The following FGF13 variants were observed in gnomAD, a reference collection of about 807,000 sequenced individuals.
FGF13 encodes the protein fibroblast growth factor 13.
A neutral mutation model predicts 19.5 loss-of-function variants in FGF13; 2 were observed. That is an observed-to-expected ratio of 0.10 (90% confidence interval 0.04 to 0.32). The LOEUF (loss-of-function observed/expected upper bound fraction) is 0.32, where lower values mean the gene tolerates loss of function less well. FGF13 is among the 10% of genes least tolerant of loss of function. FGF13 has a pLI of 1.00. For missense variants in FGF13, 113 were observed against 192.7 expected (o/e 0.59, Z 2.45); for synonymous variants, 72 against 76.9 (o/e 0.94, Z 0.33).
intron 1 of FGF13, among the ~76,000 whole-genome samples, chrX:139,086,638 A>G (rs2083405432): frequency 8.9e-6 from 1 of 112,671 alleles, no homozygotes; most frequent in African/African-American, 3.2e-5. Context: ...CTACATGCTT[A>G]TATCAAAATC....
chrX:139,177,238 C>CTTGTTTTTTTTTTTTTT (rs2084194168), intron 1 of FGF13, among the ~76,000 whole-genome samples: 1 of 49,943 alleles, frequency 2.0e-5, no homozygotes, highest in Admixed American at 2.7e-4. Flanking sequence ...GCAACCCCTG[C>CTTGTTTTTTTTTTTTTT]TTTTTTTTTT....
At chrX:138,691,624 T>C in intron 3 of FGF13, among the ~76,000 whole-genome samples, 1 of 111,938 alleles carries the variant, frequency 8.9e-6, no homozygotes, top group Admixed American at 9.5e-5. Context: ...ATTTGACTCT[T>C]CCAAATCTTT....
chrX:139,128,603 A>G (rs191541171), intron 1 of FGF13, among the ~76,000 whole-genome samples: 1 of 112,813 alleles, frequency 8.9e-6, no homozygotes, highest in African/African-American at 3.2e-5. Flanking sequence ...GTAAAACTGC[A>G]GGTCAACTGC....
chrX:138,936,711 T>C (rs1301022270), intron 1 of FGF13, among the ~76,000 whole-genome samples: 2 of 111,911 alleles, frequency 1.8e-5, no homozygotes, highest in Non-Finnish European at 3.8e-5. Context: ...TGAGCACCTA[T>C]TATGCATTCC....
chrX:139,082,288 A>G (rs2083375724), intron 1 of FGF13, among the ~76,000 whole-genome samples: 1 of 111,498 alleles, frequency 9.0e-6, no homozygotes, highest in Non-Finnish European at 1.9e-5. Context: ...CCTCTTCAGA[A>G]AGGCCTTTCC....
chrX:139,154,754 T>C (rs2075808808), intron 1 of FGF13, among the ~76,000 whole-genome samples: 1 of 112,013 alleles, frequency 8.9e-6, no homozygotes, highest in Admixed American at 9.5e-5. Flanking sequence ...GCAGCAGTTG[T>C]GCTTTCAATA....
At chrX:138,936,464 A>G in intron 1 of FGF13, among the ~76,000 whole-genome samples, 1 of 112,461 alleles carries the variant, frequency 8.9e-6, no homozygotes, top group East Asian at 2.8e-4. Context: ...CATTACCTAG[A>G]CATAGTAAGG....
intron 1 of FGF13, among the ~76,000 whole-genome samples, chrX:139,079,188 G>A (rs2083353169): frequency 9.0e-6 from 1 of 111,372 alleles, no homozygotes; most frequent in South Asian, 3.9e-4. Flanking sequence ...AGGAGATGAT[G>A]ACAGCATGTG....
At chrX:139,022,551 T>C (rs2092182073) in intron 1 of FGF13, among the ~76,000 whole-genome samples, 1 of 111,504 alleles carries the variant, frequency 9.0e-6, no homozygotes, top group Non-Finnish European at 1.9e-5. Context: ...TTTCCTTTGG[T>C]GAAATTGTTT....
chrX:138,783,710 G>A (rs1385188700), intron 3 of FGF13, among the ~76,000 whole-genome samples: 4 of 105,030 alleles, frequency 3.8e-5, no homozygotes, highest in Non-Finnish European at 5.9e-5. Context: ...CTTTTACACT[G>A]TTGGTGGGAC....
chrX:138,871,007 T>C (rs2091354807), intron 1 of FGF13, among the ~76,000 whole-genome samples: 1 of 112,195 alleles, frequency 8.9e-6, no homozygotes, highest in South Asian at 3.7e-4. Flanking sequence ...GTGTCTGATT[T>C]CTGACCTACA....
intron 1 of FGF13, among the ~76,000 whole-genome samples, chrX:139,020,342 G>C (rs183281093): frequency 1.8e-5 from 2 of 111,236 alleles, no homozygotes; most frequent in East Asian, 5.7e-4. Context: ...GCTTATCAAT[G>C]TGGCAGCAAC....
At chrX:138,883,499 G>A (rs2124184216) in intron 1 of FGF13, among the ~76,000 whole-genome samples, 1 of 111,590 alleles carries the variant, frequency 9.0e-6, no homozygotes, top group South Asian at 3.8e-4. Context: ...GGGATGGAAG[G>A]CATGCCACCA....
Position 138,692,078 on chromosome X carries a change from T to C in FGF13, c.402+10906A>G, listed in dbSNP as rs923618197. 6.3e-5 allele frequency among the ~76,000 whole-genome samples: 7 copies of C among 111,622 alleles called. No individual in the cohort carries two copies. The Admixed American group carries it at 6.7e-4, about 11-fold the overall frequency. On this transcript the variant is annotated intron_variant, in intron 3 of 4. Coordinates refer to ENST00000315930, the MANE Select transcript of FGF13 (RefSeq NM_004114.5). ...TTTTTCTTGTGTCTCAGTAATTCACTTTCTTATGTAATTTTGAAATGTTAA... is the reference window on the plus strand; with the variant it reads ...TTTTTCTTGTGTCTCAGTAATTCACCTTCTTATGTAATTTTGAAATGTTAA...
At chrX:138,963,362 T>C (rs1443490362) in intron 1 of FGF13, among the ~76,000 whole-genome samples, 2 of 112,661 alleles carry the variant, frequency 1.8e-5, no homozygotes, top group African/African-American at 6.5e-5. Context: ...TTGCTTTGCA[T>C]TGACTAGCCA....
chrX:138,809,694 AC>A (rs1293190253), intron 3 of FGF13, among the ~76,000 whole-genome samples: 1 of 110,615 alleles, frequency 9.0e-6, no homozygotes, highest in Non-Finnish European at 1.9e-5. Context: ...TATTTAGAAA[AC>A]CCCATCTCAG....
intron 1 of FGF13, among the ~76,000 whole-genome samples, chrX:138,868,122 G>A (rs2091338829): frequency 9.0e-6 from 1 of 111,684 alleles, no homozygotes; most frequent in African/African-American, 3.3e-5. Context: ...TGGCTTCATT[G>A]AAAAATGTTT....
intron 1 of FGF13, among the ~76,000 whole-genome samples, chrX:139,003,134 G>A (rs745576044): frequency 1.8e-5 from 2 of 111,862 alleles, no homozygotes; most frequent in South Asian, 3.9e-4. Context: ...AAGATGGCGC[G>A]TCTGGAGTCT....
intron 1 of FGF13, among the ~76,000 whole-genome samples, chrX:139,140,541 C>A (rs1194005427): frequency 9.0e-6 from 1 of 111,502 alleles, no homozygotes; most frequent in Non-Finnish European, 1.9e-5. Context: ...CACCCTCCTT[C>A]AAATGTGTTC....
Sources: gnomAD v4.1 joint callset for allele counts (sites outside exome capture counted in the v4.1 genomes callset) on GRCh38, gnomAD v4.1.1 for gene constraint, MANE v1.5 for transcripts, NCBI Gene and HGNC (gene_info 2026-07-23, HGNC 2026-07-21) for gene names.